PCDHGA3: variants seen among roughly 807,000 people sequenced by gnomAD.
The protein encoded by PCDHGA3 is protocadherin gamma-A3.
In PCDHGA3, 40 loss-of-function variants were observed where a neutral mutation model predicts 58.5. The observed-to-expected ratio is 0.68, with a 90% CI of 0.53 to 0.89. The LOEUF (loss-of-function observed/expected upper bound fraction) is 0.89. Among genes scored for constraint, PCDHGA3 ranks in the 40% least tolerant of loss-of-function variants. The pLI, the probability that PCDHGA3 is intolerant of heterozygous loss-of-function variation, is 0.00. For missense variants in PCDHGA3, 1,223 were observed against 1,195.9 expected (o/e 1.02, Z -0.33); for synonymous variants, 530 against 525.7 (o/e 1.01, Z -0.11).
chr5:141,449,066 A>G (rs1234801725), intron 1 of PCDHGA3, among the ~76,000 whole-genome samples: 3 of 152,188 alleles, frequency 2.0e-5, no homozygotes, highest in African/African-American at 4.8e-5. Context: ...GCGCTATTGA[A>G]TAGCCCTGTA....
At chr5:141,427,259 G>A (rs1365845158) in intron 1 of PCDHGA3, 1 of 456,756 alleles carries the variant, frequency 2.2e-6, no homozygotes, top group Non-Finnish European at 4.4e-6. Flanking sequence ...GTGGAGGCAT[G>A]ACCAGCGAAT....
At chr5:141,409,515 T>G (rs1273041163) in intron 1 of PCDHGA3, 1 of 1,613,844 alleles carries the variant, frequency 6.2e-7, no homozygotes, top group Non-Finnish European at 8.5e-7. Context: ...AGTAGAAGCA[T>G]CACCTTGTAT....
chr5:141,392,659 A>G, intron 1 of PCDHGA3: 1 of 788,300 alleles, frequency 1.3e-6, no homozygotes, highest in Non-Finnish European at 1.9e-6. Context: ...CGCAGATGCC[A>G]CAAACTAACT....
chr5:141,432,070 T>C lies in PCDHGA3; in HGVS notation c.2425-62737T>C. 6.2e-7 allele frequency: 1 copy of C among 1,614,136 alleles called. No homozygotes were observed. The highest frequency in any genetic ancestry group is 2.2e-5 in the East Asian group (1 of 44,860). ...CCCCGCCCCTATCCACGGAAACTCATATCTCGCTGAACGTGGCAGACACCA... is the reference window on the plus strand; with the variant it reads ...CCCCGCCCCTATCCACGGAAACTCACATCTCGCTGAACGTGGCAGACACCA... On this transcript the variant is annotated intron_variant, in intron 1 of 3. Transcript: ENST00000253812. The surrounding 1 kb of genome is among the most constrained non-coding windows in gnomAD (Gnocchi z 6.0).
At chr5:141,393,243 G>A in intron 1 of PCDHGA3, 4 of 1,613,784 alleles carry the variant, frequency 2.5e-6, no homozygotes, top group Non-Finnish European at 3.4e-6. Flanking sequence ...AAAAATTAAC[G>A]AAATCGCGGT....
Position 141,450,758 on chromosome 5 carries a change from A to C in PCDHGA3, c.2425-44049A>C, listed in dbSNP as rs1007910264. On this transcript the variant is annotated intron_variant, in intron 1 of 3. Transcript: ENST00000253812. ...CGCCTTGGCCTCCCAAAGTGCCGGGATTACAGGCATGAGCCACCGTGCCCG... is the reference window on the plus strand; with the variant it reads ...CGCCTTGGCCTCCCAAAGTGCCGGGCTTACAGGCATGAGCCACCGTGCCCG... Among the ~76,000 whole-genome samples the C allele has an allele frequency of 5.3e-5, 8 of 151,784 alleles. No individual in the cohort carries two copies. In the East Asian group the frequency reaches 1.4e-3, roughly 26 times the overall value.
At position 141,357,290 on chromosome 5, in the gene PCDHGA3, T is replaced by C. The variant is rs773203887; in HGVS notation, c.2424+10833T>C. 3.7e-6 allele frequency: 6 copies of C among 1,613,952 alleles called. 1 individual carries two copies. In the South Asian group the frequency reaches 4.4e-5, roughly 12 times the overall value. On this transcript the variant is annotated intron_variant, in intron 1 of 3. Transcript: ENST00000253812. ...CTCACACTCTATCTCGTGGTGGCAGTGGCCGCTGTCTCCTGCGTCTTCCTG... is the reference window on the plus strand; with the variant it reads ...CTCACACTCTATCTCGTGGTGGCAGCGGCCGCTGTCTCCTGCGTCTTCCTG...
chr5:141,355,435 C>T (rs1759852915), intron 1 of PCDHGA3: 7 of 1,614,106 alleles, frequency 4.3e-6, no homozygotes, highest in Non-Finnish European at 5.9e-6. Context: ...CGCCCTGAAC[C>T]CGCGCAGCGG....
At chr5:141,451,113 C>T (rs2098707217) in intron 1 of PCDHGA3, among the ~76,000 whole-genome samples, 1 of 152,152 alleles carries the variant, frequency 6.6e-6, no homozygotes. Context: ...CAGGCGTGAG[C>T]CACCACACCC....
At chr5:141,416,794 G>A (rs1002101061) in intron 1 of PCDHGA3, 1 of 152,070 alleles carries the variant, frequency 6.6e-6, no homozygotes, top group East Asian at 1.9e-4. Flanking sequence ...ACTAAATGTG[G>A]TAGTATAAAG....
rs548002755 is a variant in PCDHGA3, at chr5:141,409,062, G to A, written c.2424+62605G>A. On this transcript the variant is annotated intron_variant, in intron 1 of 3. Coordinates refer to ENST00000253812, the MANE Select transcript of PCDHGA3 (RefSeq NM_018916.4). ...TACTACTTCCGAAGCACTGCCCAGAGCACAAAACATATGTTCTCATTGGAT... is the reference window on the plus strand; with the variant it reads ...TACTACTTCCGAAGCACTGCCCAGAACACAAAACATATGTTCTCATTGGAT... The A allele has an allele frequency of 3.1e-6, 5 of 1,614,000 alleles. No homozygotes were observed. The South Asian group carries it at 4.4e-5, about 14-fold the overall frequency.
chr5:141,399,796 C>A (rs62621781), intron 1 of PCDHGA3: 1 of 1,613,212 alleles, frequency 6.2e-7, no homozygotes. Context: ...CAACGCACCG[C>A]GGGTGCTGTA....
chr5:141,364,639 G>A, intron 1 of PCDHGA3: 1 of 1,614,116 alleles, frequency 6.2e-7, no homozygotes. Flanking sequence ...CACTGTGTGT[G>A]GTGAACTTTA....
At chr5:141,420,025 T>A in intron 1 of PCDHGA3, 1 of 1,614,096 alleles carries the variant, frequency 6.2e-7, no homozygotes, top group Non-Finnish European at 8.5e-7. Context: ...TCAGCCCTAC[T>A]GCAGGAGACT....
intron 1 of PCDHGA3, chr5:141,383,576 C>T (rs1298305290): frequency 6.2e-7 from 1 of 1,613,446 alleles, no homozygotes; most frequent in Non-Finnish European, 8.5e-7. Flanking sequence ...TCCAGCACCG[C>T]CCACATCCAG....
Position 141,351,824 on chromosome 5 carries a change from C to A in PCDHGA3, c.2424+5367C>A. The A allele has an allele frequency of 3.1e-6, 5 of 1,613,200 alleles. No individual in the cohort carries two copies. Reference sequence around the variant, plus strand: ...GCGCGCCTTCGACCACGAGCAGCTGCGCGCCTTCGAGCTCACACTGCAGGC... The same window carrying A: ...GCGCGCCTTCGACCACGAGCAGCTGAGCGCCTTCGAGCTCACACTGCAGGC... On this transcript the variant is annotated intron_variant, in intron 1 of 3. Transcript: ENST00000253812.
chr5:141,355,112 A>G, intron 1 of PCDHGA3: 1 of 1,510,090 alleles, frequency 6.6e-7, no homozygotes, highest in Non-Finnish European at 8.8e-7. Context: ...CTGTGAATGC[A>G]CTTTATTTTG....
chr5:141,408,568 G>A (rs1282391205), intron 1 of PCDHGA3: 2 of 1,613,936 alleles, frequency 1.2e-6, no homozygotes, highest in African/African-American at 2.7e-5. Flanking sequence ...TCATTGTGGT[G>A]ATTGAGGATG....
chr5:141,432,610 C>T lies in PCDHGA3; in HGVS notation c.2425-62197C>T, dbSNP rs1481968343. 9.3e-6 allele frequency: 15 copies of T among 1,613,954 alleles called. No homozygotes were observed. Among genetic ancestry groups the T allele is most frequent in the Non-Finnish European group, 1.3e-5 (15 of 1,179,978 alleles). On this transcript the variant is annotated intron_variant, in intron 1 of 3. Transcript: ENST00000253812. This position sits in a 1 kb window ranked among gnomAD's most constrained non-coding sequence, Gnocchi z 6.0. The stretch of plus-strand genomic sequence containing the variant: ...TCAAGGCCAGCGAGCCGGGACTCTT[C>T]TCGGTGGGTCTGCACACGGGCGAGG...
Sources: gnomAD v4.1 joint callset for allele counts (sites outside exome capture counted in the v4.1 genomes callset) on GRCh38, gnomAD v4.1.1 for gene constraint, Gnocchi (gnomAD v3.1) non-coding constraint, MANE v1.5 for transcripts, NCBI Gene and HGNC (gene_info 2026-07-23, HGNC 2026-07-21) for gene names.